RNF150: variants seen among roughly 807,000 people sequenced by gnomAD.
RNF150 encodes ring finger protein 150.
In RNF150, 24 loss-of-function variants were observed where a neutral mutation model predicts 39.3. That is an observed-to-expected ratio of 0.61 (90% CI 0.44 to 0.86). The LOEUF is 0.86. Ranked by LOEUF, RNF150 falls within the 40% of genes least tolerant of loss-of-function variation. The pLI is 0.00. For missense variants in RNF150, 502 were observed against 587.8 expected (o/e 0.85, Z 1.51); for synonymous variants, 255 against 227.3 (o/e 1.12, Z -1.10).
At chr4:141,052,437 G>A (rs60083626) in intron 1 of RNF150, among the ~76,000 whole-genome samples, 4,517 of 152,110 alleles carry the variant, frequency 0.03, 240 homozygotes, top group African/African-American at 0.1. Context: ...GTGCAGTGGC[G>A]CGATCTTGGC....
intron 1 of RNF150, among the ~76,000 whole-genome samples, chr4:141,055,359 A>G (rs539171496): frequency 4.6e-5 from 7 of 152,318 alleles, no homozygotes; most frequent in African/African-American, 1.7e-4. Flanking sequence ...AGTCATCTAT[A>G]TAGAAGAGCA....
intron 1 of RNF150, among the ~76,000 whole-genome samples, chr4:141,007,069 G>A (rs1267809733): frequency 6.6e-6 from 1 of 152,094 alleles, no homozygotes; most frequent in Non-Finnish European, 1.5e-5. Context: ...TTACTTTTTG[G>A]TTTTCAATGT....
At chr4:141,082,772 T>C (rs1443851197) in intron 1 of RNF150, among the ~76,000 whole-genome samples, 1 of 151,884 alleles carries the variant, frequency 6.6e-6, no homozygotes, top group Admixed American at 6.6e-5. Flanking sequence ...GTATTTTTAG[T>C]AGAGACGGGG....
chr4:141,169,975 A>C (rs1021886288), intron 1 of RNF150, among the ~76,000 whole-genome samples: 3 of 152,152 alleles, frequency 2.0e-5, no homozygotes, highest in Non-Finnish European at 4.4e-5. Flanking sequence ...AAATGGATGA[A>C]TTTATTCGGA....
chr4:140,997,899 T>C (rs1285591140), intron 1 of RNF150, among the ~76,000 whole-genome samples: 1 of 152,116 alleles, frequency 6.6e-6, no homozygotes, highest in Non-Finnish European at 1.5e-5. Context: ...AGTCACAGAT[T>C]AGGATAGAGG....
At position 141,053,992 on chromosome 4, in the gene RNF150, T is replaced by TA. The variant is rs553674250; in HGVS notation, c.484+78332dup. ...CCTTCTAAAAACTGCATATTTGCTG[T>TA]AAAAAAATCACATAATAACATCTAA... On this transcript the variant is annotated intron_variant, in intron 1 of 6. Transcript: ENST00000515673. Among the ~76,000 whole-genome samples, 204 of 152,244 alleles carry TA rather than the reference T, an allele frequency of 1.3e-3. 1 individual carries two copies. The highest frequency in any genetic ancestry group is 2.9e-3 in the Admixed American group (45 of 15,284).
intron 6 of RNF150, among the ~76,000 whole-genome samples, chr4:140,891,359 C>G (rs952048137): frequency 1.3e-5 from 2 of 152,174 alleles, no homozygotes; most frequent in African/African-American, 4.8e-5. Flanking sequence ...GAACCTAGCT[C>G]TTCTGTTCTT....
intron 1 of RNF150, among the ~76,000 whole-genome samples, chr4:141,197,750 T>C (rs146780486): frequency 0.047 from 7,145 of 151,758 alleles, 543 homozygotes; most frequent in African/African-American, 0.16. Context: ...TGGTGGTGGG[T>C]ACCTGTAGTC....
rs185497265 is a variant in RNF150, at chr4:140,886,062, G to A, written c.1199-17683C>T. Among the ~76,000 whole-genome samples the A allele has an allele frequency of 3.0e-4, 45 of 152,054 alleles. 1 individual carries two copies. Among genetic ancestry groups the A allele is most frequent in the African/African-American group, 9.4e-4 (39 of 41,502 alleles). ...AAAAATTAGCCGGGCGTGGTGGCAG[G>A]CGCCTGTAGTCCCAGCTACTCGGGA... On this transcript the variant is annotated intron_variant, in intron 6 of 6. Coordinates refer to ENST00000515673, the MANE Select transcript of RNF150 (RefSeq NM_020724.2).
At chr4:140,898,465 G>C (rs1157595519) in intron 6 of RNF150, among the ~76,000 whole-genome samples, 3 of 152,178 alleles carry the variant, frequency 2.0e-5, no homozygotes, top group South Asian at 2.1e-4. Context: ...ATGCATTTAT[G>C]CTAGATAAAA....
In RNF150 at chr4:140,910,705, GTGTGT is replaced by G. The variant is rs1560960532; in HGVS notation, c.1198+434_1198+438del. On this transcript the variant is annotated intron_variant, in intron 6 of 6. Coordinates refer to ENST00000515673, the MANE Select transcript of RNF150 (RefSeq NM_020724.2). ...AGTCACACGCACACTCGGGGCTCCA[GTGTGT>G]GTGTGTGTGTGTACACACATGCGAG... Among the ~76,000 whole-genome samples, 1,468 of 149,286 alleles carry G rather than the reference GTGTGT, an allele frequency of 9.8e-3. 29 individuals carry two copies. The highest frequency in any genetic ancestry group is 0.035 in the African/African-American group (1,380 of 39,584).
intron 1 of RNF150, among the ~76,000 whole-genome samples, chr4:141,120,698 T>C (rs1359037614): frequency 2.0e-5 from 3 of 151,990 alleles, no homozygotes. Flanking sequence ...GAAGACATGA[T>C]GGGCTGGGAA....
intron 1 of RNF150, among the ~76,000 whole-genome samples, chr4:141,086,027 T>TACACACACAC (rs10527153): frequency 1.2e-4 from 17 of 140,008 alleles, no homozygotes; most frequent in Admixed American, 2.2e-4. Context: ...TGAGAAGAGT[T>TACACACACAC]ACACACACAC....
chr4:141,020,834 T>A (rs148130864), intron 1 of RNF150, among the ~76,000 whole-genome samples: 2 of 152,156 alleles, frequency 1.3e-5, no homozygotes, highest in Non-Finnish European at 2.9e-5. Flanking sequence ...GGGTTGAGGA[T>A]GAGATCCTGG....
chr4:141,193,319 T>C (rs1420285304), intron 1 of RNF150, among the ~76,000 whole-genome samples: 1 of 152,238 alleles, frequency 6.6e-6, no homozygotes, highest in Admixed American at 6.5e-5. Context: ...CTTTCTTCCC[T>C]GCACTGTGGA....
intron 6 of RNF150, among the ~76,000 whole-genome samples, chr4:140,904,476 A>G (rs1730304601): frequency 6.6e-6 from 1 of 152,230 alleles, no homozygotes; most frequent in Non-Finnish European, 1.5e-5. Flanking sequence ...ATATTTATCC[A>G]TAGTCAAGAA....
intron 1 of RNF150, among the ~76,000 whole-genome samples, chr4:141,168,852 G>T (rs1242785070): frequency 6.6e-6 from 1 of 152,118 alleles, no homozygotes; most frequent in African/African-American, 2.4e-5. Flanking sequence ...TAGATGATGG[G>T]TTGATGGGTG....
chr4:141,114,546 G>A (rs569080482), intron 1 of RNF150, among the ~76,000 whole-genome samples: 4 of 152,098 alleles, frequency 2.6e-5, no homozygotes, highest in African/African-American at 4.8e-5. Context: ...AGGACCAGAC[G>A]GATTCACAGC....
chr4:140,923,556 G>A (rs1020378335), intron 5 of RNF150, among the ~76,000 whole-genome samples: 81 of 152,172 alleles, frequency 5.3e-4, no homozygotes, highest in Admixed American at 2.2e-3. Context: ...TGTGGAAGTC[G>A]GTGTGGCGAT....
Sources: gnomAD v4.1 joint callset for allele counts (sites outside exome capture counted in the v4.1 genomes callset) on GRCh38, gnomAD v4.1.1 for gene constraint, MANE v1.5 for transcripts, NCBI Gene and HGNC (gene_info 2026-07-23, HGNC 2026-07-21) for gene names.